The following SCMH1 variants were observed in gnomAD, a reference collection of about 807,000 sequenced individuals.
SCMH1 encodes Scm polycomb group protein homolog 1, also known as polycomb protein SCMH1.
Under a neutral mutation model 70.8 loss-of-function variants are expected in SCMH1, and 37 were observed. The ratio of observed to expected loss-of-function variants is 0.52; its 90% confidence interval spans 0.40 to 0.69. SCMH1 has a LOEUF of 0.69. Ranked by LOEUF, SCMH1 falls within the 30% of genes least tolerant of loss-of-function variation. The pLI is 0.00. For synonymous variants in SCMH1, 292 were observed against 307.4 expected, an observed-to-expected ratio of 0.95 and a Z score of 0.52; for missense variants, 607 against 827.3, an observed-to-expected ratio of 0.73 and a Z score of 3.27.
chr1:41,155,579 T>C (rs1020019800), intron 4 of SCMH1, among the ~76,000 whole-genome samples: 1 of 152,134 alleles, frequency 6.6e-6, no homozygotes, highest in Admixed American at 6.5e-5. Flanking sequence ...AGATTAATTA[T>C]ACAATTCCTG....
intron 8 of SCMH1, among the ~76,000 whole-genome samples, chr1:41,107,329 A>G (rs576290936): frequency 6.6e-6 from 1 of 152,018 alleles, no homozygotes; most frequent in East Asian, 1.9e-4. Flanking sequence ...AACTGTAAAC[A>G]CTAACGGCAG....
At chr1:41,033,793 T>C (rs774233763) in intron 13 of SCMH1, among the ~76,000 whole-genome samples, 190 bp downstream of exon 14, 1 of 152,154 alleles carries the variant, frequency 6.6e-6, no homozygotes, top group Non-Finnish European at 1.5e-5. Flanking sequence ...ATGAAGACCA[T>C]CAGGCTGTAA....
intron 11 of SCMH1, among the ~76,000 whole-genome samples, chr1:41,048,178 A>G (rs1647076807): frequency 6.6e-6 from 1 of 152,232 alleles, no homozygotes; most frequent in South Asian, 2.1e-4. Flanking sequence ...GTATTCTGTG[A>G]GAGCAAAAAA....
At chr1:41,174,830 C>A (rs1572836963) in intron 2 of SCMH1, among the ~76,000 whole-genome samples, 1 of 152,242 alleles carries the variant, frequency 6.6e-6, no homozygotes, top group Non-Finnish European at 1.5e-5. Context: ...GTTAATTTTA[C>A]ATCATAATAT....
At chr1:41,137,372 A>G (rs1643515088) in intron 6 of SCMH1, among the ~76,000 whole-genome samples, 1 of 152,142 alleles carries the variant, frequency 6.6e-6, no homozygotes, top group Non-Finnish European at 1.5e-5. Context: ...TGTTCAACTA[A>G]GAGCTATTTA....
At chr1:41,096,790 C>T (rs1417141361) in intron 8 of SCMH1, among the ~76,000 whole-genome samples, 1 of 151,820 alleles carries the variant, frequency 6.6e-6, no homozygotes, top group Non-Finnish European at 1.5e-5. Flanking sequence ...TTCTCCTTTC[C>T]CTACCTTTTT....
chr1:41,129,079 T>C (rs184384821), intron 6 of SCMH1, among the ~76,000 whole-genome samples: 159 of 152,316 alleles, frequency 1.0e-3, no homozygotes, highest in Non-Finnish European at 2.0e-3. Flanking sequence ...ATATGCAATA[T>C]AAACAACTGC....
At chr1:41,165,988 A>G (rs1266075379) in intron 2 of SCMH1, among the ~76,000 whole-genome samples, 1 of 152,066 alleles carries the variant, frequency 6.6e-6, no homozygotes, top group Non-Finnish European at 1.5e-5. Flanking sequence ...TCAGTTTCAT[A>G]GTTTCAAGTC....
chr1:41,236,352 T>C (rs992762807), intron 1 of SCMH1, among the ~76,000 whole-genome samples: 2 of 152,202 alleles, frequency 1.3e-5, no homozygotes, highest in African/African-American at 2.4e-5. Context: ...GGAAGTAGTA[T>C]GTTCTCCATG....
chr1:41,159,659 G>A (rs1645859363), intron 4 of SCMH1: 2 of 1,475,870 alleles, frequency 1.4e-6, no homozygotes, highest in African/African-American at 1.4e-5. Context: ...ACCTTAAAAA[G>A]CTTGAGGAAA....
intron 8 of SCMH1, among the ~76,000 whole-genome samples, chr1:41,088,776 A>G (rs1241106183): frequency 6.6e-6 from 1 of 152,248 alleles, no homozygotes; most frequent in Non-Finnish European, 1.5e-5. Flanking sequence ...GAACTCTTCT[A>G]AGAGTTTTTC....
intron 8 of SCMH1, among the ~76,000 whole-genome samples, chr1:41,111,362 CAG>C (rs371481351): frequency 1.3e-5 from 2 of 152,292 alleles, no homozygotes; most frequent in South Asian, 2.1e-4. Context: ...TTGTTTGAGA[CAG>C]AGTCTCGCTC....
At chr1:41,068,963 G>A (rs1655573929) in intron 10 of SCMH1, among the ~76,000 whole-genome samples, 1 of 152,164 alleles carries the variant, frequency 6.6e-6, no homozygotes. Context: ...ATTTCTTCTA[G>A]AGTATGACAT....
intron 10 of SCMH1, among the ~76,000 whole-genome samples, chr1:41,053,852 T>G (rs184089039): frequency 2.4e-3 from 367 of 152,150 alleles, no homozygotes; most frequent in East Asian, 4.1e-3. Context: ...GTTTTGTTTT[T>G]TTTTGTTTTT....
intron 1 of SCMH1, among the ~76,000 whole-genome samples, chr1:41,221,152 C>A (rs1659166839): frequency 6.6e-6 from 1 of 152,150 alleles, no homozygotes; most frequent in African/African-American, 2.4e-5. Context: ...CATGCAGTCA[C>A]AAAATGACGA....
At chr1:41,041,936 C>T (rs1646228859) in intron 12 of SCMH1, among the ~76,000 whole-genome samples, 1 of 152,146 alleles carries the variant, frequency 6.6e-6, no homozygotes, top group Non-Finnish European at 1.5e-5. Flanking sequence ...GAAATCAATA[C>T]AATCTCCTGC....
At chr1:41,160,778 G>A (rs781015664) in intron 4 of SCMH1, 97 bp downstream of exon 4, 131 of 1,129,368 alleles carry the variant, frequency 1.2e-4, no homozygotes, top group Non-Finnish European at 1.4e-4. Context: ...ACAGAGACAC[G>A]TGGAATTCTT....
At chr1:41,239,115 TAAAAA>T (rs142580257) in intron 1 of SCMH1, among the ~76,000 whole-genome samples, 1 of 148,648 alleles carries the variant, frequency 6.7e-6, no homozygotes, top group Non-Finnish European at 1.5e-5. Flanking sequence ...TAAATAAAAA[TAAAAA>T]AAAAACACCT....
At chr1:41,233,251 A>C (rs1661662161) in intron 1 of SCMH1, among the ~76,000 whole-genome samples, 1 of 152,142 alleles carries the variant, frequency 6.6e-6, no homozygotes. Context: ...TCCACATACC[A>C]TGCAGCTTAT....
Sources: allele counts gnomAD v4.1 joint callset (sites outside exome capture counted in the v4.1 genomes callset), GRCh38; gene constraint gnomAD v4.1.1; transcripts MANE v1.5; gene names NCBI Gene and HGNC (gene_info 2026-07-23, HGNC 2026-07-21).